EVC2: variants seen among roughly 807,000 people sequenced by gnomAD.
The protein encoded by EVC2 is EvC ciliary complex subunit 2.
Under a neutral mutation model 149.3 loss-of-function variants are expected in EVC2, and 148 were observed. The observed-to-expected ratio is 0.99, with a 90% CI of 0.87 to 1.14. The LOEUF is 1.14. EVC2 is among the 50% of genes most tolerant of loss of function. EVC2 has a pLI of 0.00. For missense variants in EVC2, 1,854 were observed against 1,627.3 expected (o/e 1.14, Z -2.40); for synonymous variants, 776 against 649.9 (o/e 1.19, Z -2.95).
chr4:5,701,260 G>T (rs146488751), intron 1 of EVC2, among the ~76,000 whole-genome samples: 5 of 152,224 alleles, frequency 3.3e-5, no homozygotes, highest in African/African-American at 1.2e-4. Flanking sequence ...TTATTACACT[G>T]GAACCATCAG....
chr4:5,616,280 G>T (rs1423529667), intron 15 of EVC2, among the ~76,000 whole-genome samples: 2 of 152,202 alleles, frequency 1.3e-5, no homozygotes, highest in Non-Finnish European at 1.5e-5. Flanking sequence ...TTGGAACTTG[G>T]ATCCCAGCTC....
chr4:5,593,700 G>A (rs1171456061), intron 16 of EVC2, among the ~76,000 whole-genome samples: 3 of 152,132 alleles, frequency 2.0e-5, no homozygotes, highest in African/African-American at 4.8e-5. Flanking sequence ...TCTCACTAGG[G>A]AGTGCCAGAC....
the EVC2 span, among the ~76,000 whole-genome samples, chr4:5,531,178 C>T: frequency 2.0e-5 from 3 of 152,096 alleles, no homozygotes; most frequent in African/African-American, 4.8e-5. Context: ...GGAGGCTGCA[C>T]CAGTGACAAG....
intron 8 of EVC2, among the ~76,000 whole-genome samples, chr4:5,663,898 G>A (rs1268900756): frequency 1.3e-5 from 2 of 152,090 alleles, no homozygotes; most frequent in African/African-American, 2.4e-5. Flanking sequence ...TCCATCCTGG[G>A]AGACAGAGTG....
Position 5,689,247 on chromosome 4 carries a change from G to A in EVC2, c.616C>T (p.Leu206=). Residue 206 remains leucine, a synonymous_variant, in exon 5 of 22, where the codon CTG becomes TTG. Transcript: ENST00000344408. Reference sequence around the variant, plus strand: ...ATGGTGAGACCAGCAATGCTGTCCAGCAAGAGCAGCTCCGAGAGGTTGGCT... The same window carrying A: ...ATGGTGAGACCAGCAATGCTGTCCAACAAGAGCAGCTCCGAGAGGTTGGCT... ...SSANLSELLL[L]DSIAGLTIWD... 6.2e-7 allele frequency: 1 copy of A among 1,614,234 alleles called. No individual in the cohort carries two copies. The highest frequency in any genetic ancestry group is 8.5e-7 in the Non-Finnish European group (1 of 1,180,048).
intron 9 of EVC2, among the ~76,000 whole-genome samples, chr4:5,653,685 G>C (rs1718301608): frequency 6.6e-6 from 1 of 152,168 alleles, no homozygotes; most frequent in South Asian, 2.1e-4. Context: ...AACAAATGTA[G>C]CATGCTAATA....
the EVC2 span, among the ~76,000 whole-genome samples, chr4:5,537,645 C>T: frequency 1.3e-5 from 2 of 152,156 alleles, no homozygotes; most frequent in African/African-American, 2.4e-5. Context: ...TACTCAGCCC[C>T]CAACAAGTTA....
chr4:5,681,122 T>C lies in EVC2; in HGVS notation c.870+138A>G, dbSNP rs998878541. 23 of 966,326 alleles carry C rather than the reference T, an allele frequency of 2.4e-5. 1 individual carries two copies. In the African/African-American group the frequency reaches 2.7e-4, roughly 11 times the overall value. The allele number at this position is 966,326 out of a possible 1,614,324, so 59.9% of individuals were successfully genotyped here. On this transcript the variant is annotated intron_variant, in intron 7 of 21. Transcript: ENST00000344408. ...AGGGCACACGGGGGACCCGAGAGAC[T>C]GCACAGAGTCCCAGTCTCAACGCAT...
rs371632454 is a variant in EVC2 at position 5,658,233 on chromosome 4, T to C, written c.1145+4874A>G. Among the ~76,000 whole-genome samples the C allele has an allele frequency of 1.7e-4, 26 of 152,300 alleles. No homozygotes were observed. In the East Asian group the frequency reaches 4.6e-3, roughly 27 times the overall value. ...CCTCAGCAAGAATCTGTTGGATTCA[T>C]CAATCCATTAATTACTTTTTTAAAA... On this transcript the variant is annotated intron_variant, in intron 9 of 21. Coordinates refer to ENST00000344408, the MANE Select transcript of EVC2 (RefSeq NM_147127.5).
chr4:5,631,578 A>T (rs759967249), intron 11 of EVC2, among the ~76,000 whole-genome samples: 1 of 148,124 alleles, frequency 6.8e-6, no homozygotes, highest in Non-Finnish European at 1.5e-5. Flanking sequence ...GGGGGGGGGA[A>T]CTGAAATTCC....
intron 1 of EVC2, among the ~76,000 whole-genome samples, chr4:5,699,656 A>G (rs924746588): frequency 1.3e-4 from 20 of 150,822 alleles, no homozygotes; most frequent in East Asian, 5.8e-4. Context: ...AAAAAAAAAA[A>G]AAGAAAAAAA....
At chr4:5,535,249 C>G in the EVC2 span, among the ~76,000 whole-genome samples, 1 of 152,154 alleles carries the variant, frequency 6.6e-6, no homozygotes, top group Admixed American at 6.5e-5. This position sits in a 1 kb window ranked among gnomAD's most constrained non-coding sequence, Gnocchi z 4.7. Flanking sequence ...GAACGTCAGC[C>G]CTGCTGCCCT....
intron 9 of EVC2, among the ~76,000 whole-genome samples, chr4:5,642,555 G>C (rs1717415888): frequency 6.6e-6 from 1 of 152,168 alleles, no homozygotes; most frequent in Non-Finnish European, 1.5e-5. Context: ...CAATCCTGAA[G>C]TGAATCACTT....
rs568630456 is a variant in EVC2 at position 5,568,580 on chromosome 4, G to A, written c.3421C>T (p.Arg1141Trp). 57 of 1,607,622 alleles carry A rather than the reference G, an allele frequency of 3.5e-5. No homozygotes were observed. The highest frequency in any genetic ancestry group is 3.2e-4 in the African/African-American group (24 of 74,986). Residue 1141 changes from arginine to tryptophan, a missense_variant, in exon 20 of 22, where the codon CGG becomes TGG. Arg to Trp is a moderately radical substitution (Grantham distance 101). Coordinates refer to ENST00000344408, the MANE Select transcript of EVC2 (RefSeq NM_147127.5). ...GTGGGCAGTACCACACTCAGGAGCC[G>A]GCGAAGCGTGGCCCCGGGCACCATG... ...MAMVPGATLR[R>W]LLSVVLPTAS...
At position 5,563,014 on chromosome 4, in the gene EVC2, G is replaced by A. The variant is rs780781536; in HGVS notation, c.3761C>T (p.Pro1254Leu). ...LSLEPIGELA[P>L]VPIVGAETID... ...GGTTTCTGCCCCTACAATGGGTACA[G>A]GGGCCAGTTCGCCAATGGGCTCCAG... Residue 1254 changes from proline (P) to leucine (L), a missense_variant, in exon 22 of 22, where the codon CCT becomes CTT. Physicochemically the swap from Pro to Leu is moderately conservative, Grantham distance 98. Transcript: ENST00000344408. The A allele has an allele frequency of 6.2e-7, 1 of 1,614,206 alleles. No individual in the cohort carries two copies. The highest frequency in any genetic ancestry group is 1.1e-5 in the South Asian group (1 of 91,086).
downstream of EVC2, among the ~76,000 whole-genome samples, chr4:5,559,841 A>G (rs1721906141): frequency 6.6e-6 from 1 of 152,186 alleles, no homozygotes; most frequent in Non-Finnish European, 1.5e-5. This position sits in a 1 kb window ranked among gnomAD's most constrained non-coding sequence, Gnocchi z 5.0. Flanking sequence ...AGAATTCCAA[A>G]TAATCTATGT....
chr4:5,562,407 A>T (rs1722011075), downstream of EVC2: 1 of 986,682 alleles, frequency 1.0e-6, no homozygotes, highest in African/African-American at 1.7e-5. This position sits in a 1 kb window ranked among gnomAD's most constrained non-coding sequence, Gnocchi z 4.3. Flanking sequence ...TGCTTCCTAC[A>T]TAAAGCAAAC....
At chr4:5,642,363 T>C (rs890655950) in intron 9 of EVC2, among the ~76,000 whole-genome samples, 9 of 148,858 alleles carry the variant, frequency 6.0e-5, no homozygotes, top group African/African-American at 2.2e-4. Context: ...TGCATGCAAG[T>C]ACAATTTTAT....
Position 5,708,313 on chromosome 4 carries a change from G to A in EVC2, c.201C>T (p.Ser67=). The A allele has an allele frequency of 2.1e-6, 3 of 1,462,890 alleles. No individual in the cohort carries two copies. The highest frequency in any genetic ancestry group is 1.8e-4 in the Middle Eastern group (1 of 5,704). 90.6% of individuals were successfully genotyped at this position (1,462,890 alleles called of 1,614,324 possible). Residue 67 remains serine (S), a synonymous_variant, in exon 1 of 22, where the codon AGC becomes AGT. Transcript: ENST00000344408. ...GPGLRIPPGR[S]GAGPESSTQD... ...GCGTGCTGCTCTCGGGCCCCGCCCC[G>A]CTCCGCCCCGGAGGGATCCTCAGGC...
Sources: gnomAD v4.1 joint callset for allele counts (sites outside exome capture counted in the v4.1 genomes callset) on GRCh38, gnomAD v4.1.1 for gene constraint, Gnocchi (gnomAD v3.1) non-coding constraint, MANE v1.5 for transcripts, NCBI Gene and HGNC (gene_info 2026-07-23, HGNC 2026-07-21) for gene names.